The following PLD5 variants were observed in gnomAD, a reference collection of about 807,000 sequenced individuals.
PLD5 encodes the protein phospholipase D family member 5.
Under a neutral mutation model 61.1 loss-of-function variants are expected in PLD5, and 36 were observed. The ratio of observed to expected loss-of-function variants is 0.59; its 90% CI spans 0.45 to 0.78. The LOEUF (loss-of-function observed/expected upper bound fraction) is 0.78, where lower values mean the gene tolerates loss of function less well. Ranked by LOEUF, PLD5 falls within the 30% of genes least tolerant of loss-of-function variation. The pLI, the probability that PLD5 is intolerant of heterozygous loss-of-function variation, is 0.00. For synonymous variants in PLD5, 243 were observed against 242.8 expected, an observed-to-expected ratio of 1.00 and a Z score of -0.01; for missense variants, 515 against 644.4, an observed-to-expected ratio of 0.80 and a Z score of 2.17.
intron 3 of PLD5, among the ~76,000 whole-genome samples, chr1:242,286,822 G>C (rs1008498970): frequency 6.6e-6 from 1 of 152,148 alleles, no homozygotes; most frequent in Non-Finnish European, 1.5e-5. Context: ...AAGAGCAAAA[G>C]GGGTATTGGA....
chr1:242,497,831 G>A (rs745471442), intron 1 of PLD5, among the ~76,000 whole-genome samples: 18 of 152,198 alleles, frequency 1.2e-4, no homozygotes, highest in Non-Finnish European at 1.6e-4. Flanking sequence ...CAAGCACTGC[G>A]GAAGGAAGGA....
At chr1:242,093,731 G>A (rs1441879125) in intron 9 of PLD5, among the ~76,000 whole-genome samples, 1 of 151,952 alleles carries the variant, frequency 6.6e-6, no homozygotes, top group Non-Finnish European at 1.5e-5. Flanking sequence ...GAGCATCATA[G>A]CCACATTGAG....
At chr1:242,504,363 C>T (rs1208744730) in intron 1 of PLD5, among the ~76,000 whole-genome samples, 1 of 152,158 alleles carries the variant, frequency 6.6e-6, no homozygotes, top group African/African-American at 2.4e-5. Flanking sequence ...TGAGCATCAA[C>T]TACTATCATT....
At chr1:242,236,170 T>A (rs1447392866) in intron 4 of PLD5, among the ~76,000 whole-genome samples, 1 of 152,088 alleles carries the variant, frequency 6.6e-6, no homozygotes, top group East Asian at 1.9e-4. Context: ...AGGAAGTGGG[T>A]CTTCACCAGA....
chr1:242,494,326 C>T (rs1260673616), intron 1 of PLD5, among the ~76,000 whole-genome samples: 1 of 152,112 alleles, frequency 6.6e-6, no homozygotes, highest in Non-Finnish European at 1.5e-5. Flanking sequence ...CATTTAAATG[C>T]TCCACAGAGC....
At chr1:242,389,606 G>A (rs1387219100) in intron 1 of PLD5, among the ~76,000 whole-genome samples, 2 of 151,800 alleles carry the variant, frequency 1.3e-5, no homozygotes, top group Non-Finnish European at 2.9e-5. Flanking sequence ...CTGTATCCAA[G>A]CAGCAGACGG....
chr1:242,477,777 G>A (rs1667644161), intron 1 of PLD5, among the ~76,000 whole-genome samples: 1 of 152,180 alleles, frequency 6.6e-6, no homozygotes, highest in Non-Finnish European at 1.5e-5. Context: ...GGAGCAAGCA[G>A]TGTCCCAGGT....
chr1:242,488,504 T>G (rs150008145), intron 1 of PLD5, among the ~76,000 whole-genome samples: 2 of 152,174 alleles, frequency 1.3e-5, no homozygotes, highest in African/African-American at 4.8e-5. Context: ...TTTTAAATAC[T>G]AAGTGATTCC....
intron 1 of PLD5, among the ~76,000 whole-genome samples, chr1:242,441,455 C>G (rs1666270265): frequency 6.6e-6 from 1 of 151,792 alleles, no homozygotes; most frequent in African/African-American, 2.4e-5. Flanking sequence ...CCGAAATTAC[C>G]ATGTGTTTCT....
intron 6 of PLD5, among the ~76,000 whole-genome samples, chr1:242,120,252 G>T (rs1662260413): frequency 6.6e-6 from 1 of 152,138 alleles, no homozygotes; most frequent in African/African-American, 2.4e-5. Context: ...TGTAGAAATG[G>T]TTGCAAAACT....
intron 1 of PLD5, among the ~76,000 whole-genome samples, chr1:242,409,009 G>T (rs941172658): frequency 6.6e-5 from 10 of 151,986 alleles, no homozygotes; most frequent in African/African-American, 2.2e-4. Flanking sequence ...GAAGGTGGCA[G>T]TGAGCCAAGA....
chr1:242,389,401 G>A (rs1662789230), intron 1 of PLD5, among the ~76,000 whole-genome samples: 1 of 152,026 alleles, frequency 6.6e-6, no homozygotes, highest in Admixed American at 6.6e-5. Flanking sequence ...GTTTGCATAA[G>A]TTGGGCCATC....
chr1:242,194,174 C>T (rs1199456099), intron 5 of PLD5, among the ~76,000 whole-genome samples: 2 of 152,124 alleles, frequency 1.3e-5, no homozygotes, highest in Admixed American at 6.5e-5. Flanking sequence ...CCTGGGAATG[C>T]CTCGTCCCAG....
chr1:242,399,624 G>C (rs534771982), intron 1 of PLD5, among the ~76,000 whole-genome samples: 1 of 150,044 alleles, frequency 6.7e-6, no homozygotes, highest in African/African-American at 2.5e-5. Flanking sequence ...TTGGGAGGGA[G>C]AGAAACAGAG....
At chr1:242,190,342 T>G (rs1236637854) in intron 5 of PLD5, among the ~76,000 whole-genome samples, 2 of 150,998 alleles carry the variant, frequency 1.3e-5, no homozygotes, top group Non-Finnish European at 3.0e-5. Context: ...GAGACGGGGT[T>G]TCACCATGTT....
intron 9 of PLD5, among the ~76,000 whole-genome samples, chr1:242,098,942 C>A (rs1660467551): frequency 6.6e-6 from 1 of 152,042 alleles, no homozygotes; most frequent in African/African-American, 2.4e-5. Context: ...AGGAGTACCC[C>A]ACCGTGTGAG....
chr1:242,412,116 T>C (rs1664589678), intron 1 of PLD5, among the ~76,000 whole-genome samples: 1 of 152,184 alleles, frequency 6.6e-6, no homozygotes, highest in African/African-American at 2.4e-5. Context: ...TCATCCTGTC[T>C]TTATTCTCTA....
intron 4 of PLD5, among the ~76,000 whole-genome samples, chr1:242,261,886 T>C (rs1673392667): frequency 6.6e-6 from 1 of 152,196 alleles, no homozygotes; most frequent in African/African-American, 2.4e-5. Context: ...AGAGTGTGAA[T>C]TAGTACAACC....
rs140341129 is a variant in PLD5 at position 242,267,137 on chromosome 1, CA to C, written c.496-1690del. ...ATCAAAAAATAAATAAATAAAAAAA[CA>C]AAAAAAAAAGAGAGAGAAAAGAGAG... On this transcript the variant is annotated intron_variant, in intron 3 of 9. Transcript: ENST00000536534. Among the ~76,000 whole-genome samples, 643 of 100,904 alleles carry C rather than the reference CA, an allele frequency of 6.4e-3. 5 individuals are homozygous for C. Among genetic ancestry groups the C allele is most frequent in the African/African-American group, 0.014 (467 of 32,360 alleles). The allele number at this position is 100,904 out of a possible 152,430, so 66.2% of individuals were successfully genotyped here.
Sources: gnomAD v4.1 joint callset for allele counts (sites outside exome capture counted in the v4.1 genomes callset) on GRCh38, gnomAD v4.1.1 for gene constraint, MANE v1.5 for transcripts, NCBI Gene and HGNC (gene_info 2026-07-23, HGNC 2026-07-21) for gene names.